SCARF1: variants seen among roughly 807,000 people sequenced by gnomAD.
SCARF1 encodes scavenger receptor class F member 1.
Under a neutral mutation model 76.3 loss-of-function variants are expected in SCARF1, and 49 were observed. The ratio of observed to expected loss-of-function variants is 0.64; its 90% CI spans 0.51 to 0.81. SCARF1 has a LOEUF of 0.81. Among genes scored for constraint, SCARF1 ranks in the 40% least tolerant of loss-of-function variants. The pLI, the probability that SCARF1 is intolerant of heterozygous loss-of-function variation, is 0.00. For missense variants in SCARF1, 1,098 were observed against 1,143.9 expected (o/e 0.96, Z 0.58); for synonymous variants, 495 against 474.6 (o/e 1.04, Z -0.56).
intron 4 of SCARF1, among the ~76,000 whole-genome samples, chr17:1,642,050 G>T (rs1364380234): frequency 6.6e-6 from 1 of 152,124 alleles, no homozygotes; most frequent in Non-Finnish European, 1.5e-5. Flanking sequence ...TGTGAGTGCA[G>T]CCAGTCAAAG....
At chr17:1,643,221 G>A (rs1156491506) in intron 4 of SCARF1, 1 of 48,554 alleles carries the variant, frequency 2.1e-5, no homozygotes, top group Non-Finnish European at 3.6e-5. Context: ...CCGCTCACCA[G>A]TTTCCACCCC....
In SCARF1 at chr17:1,640,721, C is replaced by T. The variant is rs1292151447; in HGVS notation, c.792-55G>A. 2 of 1,501,934 alleles carry T rather than the reference C, an allele frequency of 1.3e-6. No homozygotes were observed. The highest frequency in any genetic ancestry group is 1.8e-6 in the Non-Finnish European group (2 of 1,095,816). The allele number at this position is 1,501,934 out of a possible 1,614,324, so 93.0% of individuals were successfully genotyped here. On this transcript the variant is annotated intron_variant, in intron 4 of 10. Transcript: ENST00000263071. The surrounding 1 kb of genome is among the most constrained non-coding windows in gnomAD (Gnocchi z 4.7). ...TGGGGGTGGATGGATGGAGCGCCCA[C>T]CCCCTCCTACCCCTGTACTCCACGC...
In SCARF1 at chr17:1,635,316, C is replaced by G; in HGVS notation, c.1935G>C (p.Glu645Asp). The G allele has an allele frequency of 6.2e-7, 1 of 1,612,534 alleles. No individual in the cohort carries two copies. Among genetic ancestry groups the G allele is most frequent in the South Asian group, 1.1e-5 (1 of 91,044 alleles). Residue 645 changes from glutamate (E) to aspartate (D), a missense_variant, in exon 11 of 11, where the codon GAG (glutamate) becomes GAC (aspartate). By Grantham distance (45) the Glu-to-Asp change is conservative (BLOSUM62 2). Transcript: ENST00000263071. The part of the protein sequence containing the change: ...STGPEEAEAP[E>D]SFPAAASPGD... ...CGGGACTGGCAGCCGCCGGAAAGGA[C>G]TCGGGGGCTTCTGCTTCCTCTGGGC...
Position 1,640,805 on chromosome 17 carries a change from C to G in SCARF1, c.792-139G>C. On this transcript the variant is annotated intron_variant, in intron 4 of 10. Transcript: ENST00000263071. The surrounding 1 kb of genome is among the most constrained non-coding windows in gnomAD (Gnocchi z 4.7). The stretch of plus-strand genomic sequence containing the variant: ...CCACCTGGGTCAGGCAGGTTTGAGC[C>G]TCAGTTTCCCCACGTTGTACAATGA... 1.4e-6 allele frequency: 1 copy of G among 713,286 alleles called. No individual in the cohort carries two copies. Among genetic ancestry groups the G allele is most frequent in the South Asian group, 1.7e-5 (1 of 57,214 alleles). The allele number at this position is 713,286 out of a possible 1,614,324, so 44.2% of individuals were successfully genotyped here.
Position 1,634,834 on chromosome 17 carries a change from T to C in SCARF1, c.2417A>G (p.Lys806Arg). 2.5e-6 allele frequency: 4 copies of C among 1,613,982 alleles called. No homozygotes were observed. Among genetic ancestry groups the C allele is most frequent in the Non-Finnish European group, 3.4e-6 (4 of 1,179,866 alleles). The change falls in exon 11 of 11, where the codon AAG becomes AGG. Residue 806 changes from lysine to arginine, a missense_variant. Physicochemically the swap from Lys to Arg is conservative, Grantham distance 26. Coordinates refer to ENST00000263071, the MANE Select transcript of SCARF1 (RefSeq NM_003693.4). ...GCGSPEQDPQ[K>R]QAEEERQEEP... The stretch of plus-strand genomic sequence containing the variant: ...CTCCTGCCTTTCCTCTTCAGCCTGC[T>C]TCTGGGGATCCTGTTCTGGGGAGCC...
Position 1,635,540 on chromosome 17 carries a change from A to G in SCARF1, c.1711T>C (p.Ser571Pro). Reference protein sequence around the residue: ...AGAFPPPEDASTPFAIPRTSS... With the variant: ...AGAFPPPEDAPTPFAIPRTSS... ...GTGCGCGGGATGGCGAATGGCGTGG[A>G]GGCGTCCTCAGGGGGCGGGAAAGCA... The change falls in exon 11 of 11, where the codon TCC becomes CCC. Residue 571 changes from serine (S) to proline (P), a missense_variant. By Grantham distance (74) the Ser-to-Pro change is moderately conservative. Transcript: ENST00000263071. 1 of 1,612,954 alleles carries G rather than the reference A, an allele frequency of 6.2e-7. No homozygotes were observed. Among genetic ancestry groups the G allele is most frequent in the Non-Finnish European group, 8.5e-7 (1 of 1,179,978 alleles).
Position 1,634,704 on chromosome 17 carries a change from G to C in SCARF1, c.*54C>G. 1 of 1,509,432 alleles carries C rather than the reference G, an allele frequency of 6.6e-7. No homozygotes were observed. Among genetic ancestry groups the C allele is most frequent in the Non-Finnish European group, 8.9e-7 (1 of 1,128,188 alleles). The allele number at this position is 1,509,432 out of a possible 1,614,324, so 93.5% of individuals were successfully genotyped here. A position where few individuals can be genotyped will look rare whatever the true frequency, so the allele number is the denominator to read the frequency against. ...GTCCTGGCCCCGGGATCATTTTCCA[G>C]CACACAGCACAGTCTAGTCCATCCA... On this transcript the variant is annotated 3_prime_UTR_variant, in exon 11 of 11. Transcript: ENST00000263071.
Position 1,639,947 on chromosome 17 carries a change from C to A in SCARF1, c.1104G>T (p.Gly368=). Residue 368 remains glycine (G), a synonymous_variant, in exon 6 of 11, where the codon GGG becomes GGT. Transcript: ENST00000263071. The stretch of plus-strand genomic sequence containing the variant: ...AGTAGCCGGCACTGCAGACACAGTC[C>A]CCTGTCACAGTATCACAGGACCCCT... ...CVQGSCDTVT[G]DCVCSAGYWG... 3 of 1,614,034 alleles carry A rather than the reference C, an allele frequency of 1.9e-6. No homozygotes were observed. Among genetic ancestry groups the A allele is most frequent in the Non-Finnish European group, 2.5e-6 (3 of 1,179,978 alleles).
In SCARF1 at chr17:1,637,370, A is replaced by ATCTATCTC. The variant is rs4026394; in HGVS notation, c.1365-309_1365-308insGAGATAGA. Among the ~76,000 whole-genome samples the ATCTATCTC allele has an allele frequency of 6.9e-3, 854 of 123,318 alleles. 83 individuals carry two copies. Among genetic ancestry groups the ATCTATCTC allele is most frequent in the East Asian group, 0.018 (79 of 4,422 alleles). The allele number at this position is 123,318 out of a possible 152,430, so 80.9% of individuals were successfully genotyped here. A position where few individuals can be genotyped will look rare whatever the true frequency, so the allele number is the denominator to read the frequency against. On this transcript the variant is annotated intron_variant, in intron 8 of 10. Coordinates refer to ENST00000263071, the MANE Select transcript of SCARF1 (RefSeq NM_003693.4). ...TATCTATCTATCTATCTATCTATCT[A>ATCTATCTC]TATCTATCCATCTATCTATCATCTA... is the stretch of plus-strand genomic sequence containing the variant.
In SCARF1 at chr17:1,634,880, G is replaced by C; in HGVS notation, c.2371C>G (p.Gln791Glu). ...GAGCCACAGCCAGAGACTGGCTCCT[G>C]GGCTCTCCTTGAACTCTCGGTGCCA... ...GAGTESSRRA[Q>E]EPVSGCGSPE... is the part of the protein sequence containing the mutation. Residue 791 changes from glutamine (Q) to glutamate (E), a missense_variant, in exon 11 of 11, where the codon CAG becomes GAG. Physicochemically the swap from Gln to Glu is conservative, Grantham distance 29. Transcript: ENST00000263071. 1 of 1,613,964 alleles carries C rather than the reference G, an allele frequency of 6.2e-7. No homozygotes were observed. Among genetic ancestry groups the C allele is most frequent in the Non-Finnish European group, 8.5e-7 (1 of 1,179,976 alleles).
In SCARF1 at chr17:1,638,095, A is replaced by T. The variant is rs182030285; in HGVS notation, c.1364+711T>A. On this transcript the variant is annotated intron_variant, in intron 8 of 10. Transcript: ENST00000263071. ...CCTGTGTGCCAGTACCAACTAGATC[A>T]CCTTGGGCCTCAATGTCCTCTGGGA... is the stretch of plus-strand genomic sequence containing the variant. 4 of 152,160 alleles carry T rather than the reference A, an allele frequency of 2.6e-5. No homozygotes were observed. The East Asian group carries it at 7.7e-4, about 29-fold the overall frequency. 9.4% of individuals were successfully genotyped at this position (152,160 alleles called of 1,614,324 possible).
In SCARF1 at chr17:1,638,795, C is replaced by A; in HGVS notation, c.1364+11G>T. 6.3e-7 allele frequency: 1 copy of A among 1,599,896 alleles called. No homozygotes were observed. The highest frequency in any genetic ancestry group is 1.3e-5 in the African/African-American group (1 of 74,886). On this transcript the variant is annotated intron_variant, in intron 8 of 10. Transcript: ENST00000263071. ...CTGAGCTGTGTGGGGAAGGGACGGGCTGGCGTTCACCTGTCCTTGAGGTCT... is the reference window on the plus strand; with the variant it reads ...CTGAGCTGTGTGGGGAAGGGACGGGATGGCGTTCACCTGTCCTTGAGGTCT...
intron 4 of SCARF1, among the ~76,000 whole-genome samples, chr17:1,642,981 T>C (rs1326994804): frequency 6.6e-6 from 1 of 152,130 alleles, no homozygotes; most frequent in Admixed American, 6.5e-5. Flanking sequence ...GGATTACAGG[T>C]GTGAGCCACC....
In SCARF1 at chr17:1,634,565, G is replaced by T; in HGVS notation, c.*193C>A. On this transcript the variant is annotated 3_prime_UTR_variant, in exon 11 of 11. Coordinates refer to ENST00000263071, the MANE Select transcript of SCARF1 (RefSeq NM_003693.4). The stretch of plus-strand genomic sequence containing the variant: ...CAACCCTTCCTGACCCCATCCTACA[G>T]GGTCTCTGCCCAGGCCTTCCTGGGC... 1 of 621,856 alleles carries T rather than the reference G, an allele frequency of 1.6e-6. No homozygotes were observed. The highest frequency in any genetic ancestry group is 2.6e-6 in the Non-Finnish European group (1 of 383,266). 38.5% of individuals were successfully genotyped at this position (621,856 alleles called of 1,614,324 possible). A position where few individuals can be genotyped will look rare whatever the true frequency, so the allele number is the denominator to read the frequency against.
At chr17:1,638,142 G>A (rs76558001) in intron 8 of SCARF1, 2,149 of 152,144 alleles carry the variant, frequency 0.014, 25 homozygotes, top group Middle Eastern at 0.065. Context: ...TTATCCTCCC[G>A]GCCCCACACT....
At chr17:1,638,720 C>A in intron 8 of SCARF1, 86 bp downstream of exon 8, 1 of 1,432,252 alleles carries the variant, frequency 7.0e-7, no homozygotes, top group African/African-American at 1.4e-5. Flanking sequence ...AAGGCCAGCC[C>A]TCCCCACCCC....
chr17:1,643,881 A>ACG lies in SCARF1; in HGVS notation c.350_351dup (p.Cys118ArgfsTer250). 1 of 1,307,960 alleles carries ACG rather than the reference A, an allele frequency of 7.6e-7. No homozygotes were observed. The highest frequency in any genetic ancestry group is 3.1e-5 in the East Asian group (1 of 32,222). The allele number at this position is 1,307,960 out of a possible 1,614,324, so 81.0% of individuals were successfully genotyped here. On this transcript the variant is annotated frameshift_variant, in exon 4 of 11. Coordinates refer to ENST00000263071, the MANE Select transcript of SCARF1 (RefSeq NM_003693.4). LOFTEE classifies it high-confidence loss of function. ...CCCCAGCGGTCGGCCTGGCACTGGC[A>ACG]CGCGCCCGTGGCTGGCTCGCACTGG... is the stretch of plus-strand genomic sequence containing the variant.
At chr17:1,639,115 G>A (rs892883048) in intron 7 of SCARF1, among the ~76,000 whole-genome samples, 189 bp from the exon 8 acceptor site, 2 of 152,224 alleles carry the variant, frequency 1.3e-5, no homozygotes, top group African/African-American at 4.8e-5. Flanking sequence ...CAGCCACCCC[G>A]CTGCCCATTT....
Position 1,644,863 on chromosome 17 carries a change from G to C in SCARF1, c.236C>G (p.Pro79Arg). The change falls in exon 3 of 11, where the codon CCT (proline) becomes CGT (arginine). Residue 79 changes from proline to arginine, a missense_variant. Transcript: ENST00000263071. The surrounding 1 kb of genome is among the most constrained non-coding windows in gnomAD (Gnocchi z 4.8). ...CVKPGLCRCK[P>R]GFFGAHCSSR... ...GCTGCAGTGGGCCCCAAAGAATCCA[G>C]GCTTGCATCGACAGAGGCCCGGCTT... 6.2e-7 allele frequency: 1 copy of C among 1,613,358 alleles called. No homozygotes were observed. The highest frequency in any genetic ancestry group is 8.5e-7 in the Non-Finnish European group (1 of 1,179,922).
Sources: gnomAD v4.1 joint callset for allele counts (sites outside exome capture counted in the v4.1 genomes callset) on GRCh38, gnomAD v4.1.1 for gene constraint, Gnocchi (gnomAD v3.1) non-coding constraint, MANE v1.5 for transcripts, NCBI Gene and HGNC (gene_info 2026-07-23, HGNC 2026-07-21) for gene names.